Variants in SEMA5A observed in about 807,000 individuals in gnomAD.
The protein encoded by SEMA5A is semaphorin 5A, also known as semaphorin-5A.
Under a neutral mutation model 135.5 loss-of-function variants are expected in SEMA5A, and 55 were observed. The observed-to-expected ratio is 0.41, with a 90% CI of 0.33 to 0.51. SEMA5A has a LOEUF of 0.51. SEMA5A is among the 20% of genes least tolerant of loss of function. The pLI is 0.37. For missense variants in SEMA5A, 1,290 were observed against 1,419.9 expected (o/e 0.91, Z 1.47); for synonymous variants, 580 against 546.5 (o/e 1.06, Z -0.85).
chr5:9,197,784 G>GTGTGTGTGTGT (rs1554001604), intron 9 of SEMA5A, among the ~76,000 whole-genome samples: 1 of 108,646 alleles, frequency 9.2e-6, no homozygotes, highest in Non-Finnish European at 1.7e-5. Context: ...GTGTGTGTGT[G>GTGTGTGTGTGT]TTTTAACCCA....
chr5:9,358,682 T>A (rs891942812), intron 3 of SEMA5A, among the ~76,000 whole-genome samples: 1 of 152,244 alleles, frequency 6.6e-6, no homozygotes, highest in African/African-American at 2.4e-5. Flanking sequence ...AGTGGCTGAA[T>A]GAATAAATGT....
chr5:9,202,924 G>A (rs746516502), intron 8 of SEMA5A, among the ~76,000 whole-genome samples: 1 of 152,152 alleles, frequency 6.6e-6, no homozygotes, highest in Admixed American at 6.5e-5. Context: ...TATGGGGATG[G>A]AGACATTGCT....
intron 2 of SEMA5A, among the ~76,000 whole-genome samples, chr5:9,422,814 A>G (rs562984804): frequency 7.9e-5 from 12 of 152,322 alleles, no homozygotes; most frequent in African/African-American, 1.9e-4. Flanking sequence ...AGGATGTTGA[A>G]TTATGTTTCT....
At chr5:9,221,849 G>C (rs1489672555) in intron 8 of SEMA5A, among the ~76,000 whole-genome samples, 1 of 152,152 alleles carries the variant, frequency 6.6e-6, no homozygotes, top group African/African-American at 2.4e-5. Context: ...AACCCATTGA[G>C]AATCCCTGGG....
Position 9,124,975 on chromosome 5 carries a change from C to A in SEMA5A, c.1600-2138G>T, listed in dbSNP as rs189430174. ...AACTCACAGGAAACAACTCTATGTA[C>A]CATACAGTTCATTCTCTTCGGGTTA... On this transcript the variant is annotated intron_variant, in intron 13 of 22. Coordinates refer to ENST00000382496, the MANE Select transcript of SEMA5A (RefSeq NM_003966.3). Among the ~76,000 whole-genome samples, 207 of 152,294 alleles carry A rather than the reference C, an allele frequency of 1.4e-3. 3 individuals carry two copies. The East Asian group carries it at 0.023, about 17-fold the overall frequency.
In SEMA5A at chr5:9,406,826, T is replaced by C. The variant is rs147261272; in HGVS notation, c.-77-26803A>G. On this transcript the variant is annotated intron_variant, in intron 2 of 22. Transcript: ENST00000382496. ...ATGAAATTAGCCCAATGCAAGTAGG[T>C]GTCCTGTAGTAGATAGATTTCAAAC... Among the ~76,000 whole-genome samples the C allele has an allele frequency of 2.6e-5, 4 of 152,336 alleles. No individual in the cohort carries two copies. In the East Asian group the frequency reaches 7.7e-4, roughly 29 times the overall value.
intron 8 of SEMA5A, among the ~76,000 whole-genome samples, chr5:9,211,564 G>A (rs1746347815): frequency 6.6e-6 from 1 of 152,104 alleles, no homozygotes; most frequent in Non-Finnish European, 1.5e-5. Flanking sequence ...GCCCAACAAA[G>A]TCACGCCACC....
At chr5:9,506,579 A>G (rs947621207) in intron 1 of SEMA5A, among the ~76,000 whole-genome samples, 2 of 152,220 alleles carry the variant, frequency 1.3e-5, no homozygotes, top group Admixed American at 6.5e-5. Flanking sequence ...GGTCTCTTGT[A>G]TGCTCAAAAT....
intron 5 of SEMA5A, among the ~76,000 whole-genome samples, chr5:9,269,547 C>CA (rs1749860208): frequency 6.6e-6 from 1 of 151,830 alleles, no homozygotes; most frequent in African/African-American, 2.4e-5. Flanking sequence ...CCCTAATTAC[C>CA]AAAAAATGGT....
chr5:9,323,253 C>A (rs1261800998), intron 4 of SEMA5A, among the ~76,000 whole-genome samples: 1 of 152,192 alleles, frequency 6.6e-6, no homozygotes, highest in African/African-American at 2.4e-5. Flanking sequence ...CATTGCCTAA[C>A]TAAGTTCTAC....
intron 12 of SEMA5A, among the ~76,000 whole-genome samples, chr5:9,139,659 T>C (rs1741955534): frequency 6.6e-6 from 1 of 152,232 alleles, no homozygotes; most frequent in African/African-American, 2.4e-5. Context: ...TGCATTAAAA[T>C]GCAGCCCTCT....
intron 21 of SEMA5A, among the ~76,000 whole-genome samples, chr5:9,049,570 A>G (rs1736455987): frequency 6.6e-6 from 1 of 152,256 alleles, no homozygotes; most frequent in Non-Finnish European, 1.5e-5. Context: ...TGTCAGAGGC[A>G]ATGCCTGTTG....
rs1742853690 is a variant in SEMA5A at position 9,154,619 on chromosome 5, G to C, written c.1350C>G (p.Leu450=). ...TGGGCTCCCTCCGCCTCTCAGGGAA[G>C]AGCTCAATCTCTTCCAGCAAACAGC... ...SSSCLLEEIE[L]FPERRREPIR... is the part of the protein sequence containing the mutation. The change falls in exon 12 of 23, where the codon CTC becomes CTG. Residue 450 remains leucine, a synonymous_variant. Transcript: ENST00000382496. 1 of 1,614,136 alleles carries C rather than the reference G, an allele frequency of 6.2e-7. No homozygotes were observed. Among genetic ancestry groups the C allele is most frequent in the Admixed American group, 1.7e-5 (1 of 60,018 alleles).
At chr5:9,276,156 A>C (rs1216670194) in intron 5 of SEMA5A, among the ~76,000 whole-genome samples, 1 of 152,106 alleles carries the variant, frequency 6.6e-6, no homozygotes, top group African/African-American at 2.4e-5. Context: ...AAGCATTCCT[A>C]TACACCAATA....
intron 2 of SEMA5A, among the ~76,000 whole-genome samples, chr5:9,408,741 T>G (rs1446377097): frequency 6.6e-6 from 1 of 152,190 alleles, no homozygotes; most frequent in African/African-American, 2.4e-5. Flanking sequence ...GAACTAAAAT[T>G]TGAATCCAGG....
chr5:9,429,249 C>T (rs1448372423), intron 2 of SEMA5A, among the ~76,000 whole-genome samples: 1 of 152,174 alleles, frequency 6.6e-6, no homozygotes, highest in Non-Finnish European at 1.5e-5. Context: ...TTCCTCTTCT[C>T]TTAGCCAAGC....
chr5:9,136,317 A>G (rs1431526952), intron 13 of SEMA5A, among the ~76,000 whole-genome samples, 187 bp downstream of exon 13: 7 of 152,244 alleles, frequency 4.6e-5, no homozygotes, highest in African/African-American at 7.2e-5. Flanking sequence ...AAAAAAACCT[A>G]TAACAGCATT....
At chr5:9,229,566 C>G (rs892121910) in intron 6 of SEMA5A, among the ~76,000 whole-genome samples, 1 of 152,104 alleles carries the variant, frequency 6.6e-6, no homozygotes, top group African/African-American at 2.4e-5. Context: ...GCTGAGCAAG[C>G]TGATGGACTT....
intron 5 of SEMA5A, among the ~76,000 whole-genome samples, chr5:9,284,137 G>A (rs1035741782): frequency 7.3e-6 from 1 of 137,292 alleles, no homozygotes; most frequent in African/African-American, 2.8e-5. Context: ...AGAGAGATAA[G>A]AGATAGATGC....
Sources: gnomAD v4.1 joint callset for allele counts (sites outside exome capture counted in the v4.1 genomes callset) on GRCh38, gnomAD v4.1.1 for gene constraint, MANE v1.5 for transcripts, NCBI Gene and HGNC (gene_info 2026-07-23, HGNC 2026-07-21) for gene names.